CLASRP: variants seen among roughly 807,000 people sequenced by gnomAD.
CLASRP encodes the protein CLK4-associating serine/arginine rich protein.
In CLASRP, 52 loss-of-function variants were observed where a neutral mutation model predicts 99.9. The observed-to-expected ratio is 0.52, with a 90% CI of 0.42 to 0.66. The LOEUF is 0.66. Ranked by LOEUF, CLASRP falls within the 30% of genes least tolerant of loss-of-function variation. The pLI is 0.00. For missense variants in CLASRP, 848 were observed against 999.2 expected (o/e 0.85, Z 2.04); for synonymous variants, 379 against 373.0 (o/e 1.02, Z -0.18).
chr19:45,052,990 A>G (rs1420614868), intron 4 of CLASRP, 98 bp downstream of exon 4: 1 of 1,527,130 alleles, frequency 6.5e-7, no homozygotes, highest in Non-Finnish European at 9.0e-7. Context: ...AGCCGTTCCT[A>G]TTTGGTACCG....
rs752055449 is a variant in CLASRP at position 45,064,400 on chromosome 19, C to T, written c.1179C>T (p.Arg393=). The T allele has an allele frequency of 6.5e-6, 10 of 1,531,020 alleles. No homozygotes were observed. Among genetic ancestry groups the T allele is most frequent in the Non-Finnish European group, 8.8e-6 (10 of 1,142,018 alleles). The allele number at this position is 1,531,020 out of a possible 1,614,324, so 94.8% of individuals were successfully genotyped here. A position where few individuals can be genotyped will look rare whatever the true frequency, so the allele number is the denominator to read the frequency against. ...SSSASRTSSS[R]SSSRSSSRSR... ...CTGCCTCGAGGACCTCCAGCTCCCG[C>T]TCCAGCTCTCGCTCCAGCTCCCGCT... The change falls in exon 13 of 21, where the codon CGC becomes CGT. Residue 393 remains arginine (R), a synonymous_variant. Transcript: ENST00000221455.
chr19:45,060,835 C>T lies in CLASRP; in HGVS notation c.863+208C>T, dbSNP rs1456614412. ...CTTTCCTTGCCAGCCCCTCCCCTCA[C>T]CCTACTGGACTGGGGGCCCTTGCCA... is the stretch of plus-strand genomic sequence containing the variant. On this transcript the variant is annotated intron_variant, in intron 10 of 20. Coordinates refer to ENST00000221455, the MANE Select transcript of CLASRP (RefSeq NM_007056.3). The surrounding 1 kb of genome is among the most constrained non-coding windows in gnomAD (Gnocchi z 4.6). Among the ~76,000 whole-genome samples the T allele has an allele frequency of 6.6e-6, 1 of 152,226 alleles. No individual in the cohort carries two copies. Among genetic ancestry groups the T allele is most frequent in the Non-Finnish European group, 1.5e-5 (1 of 68,036 alleles).
intron 10 of CLASRP, 38 bp from the exon 11 acceptor site, chr19:45,062,116 A>G: frequency 8.0e-7 from 1 of 1,254,320 alleles, no homozygotes; most frequent in Non-Finnish European, 1.2e-6. Context: ...CTGAGATCTT[A>G]AGCCCTAATT....
At chr19:45,059,557 C>T (rs916369722) in intron 8 of CLASRP, among the ~76,000 whole-genome samples, 193 bp downstream of exon 8, 35 of 152,216 alleles carry the variant, frequency 2.3e-4, no homozygotes, top group Admixed American at 1.9e-3. Flanking sequence ...AAACAGGCTG[C>T]ACCCAAGTCA....
chr19:45,060,750 C>T lies in CLASRP; in HGVS notation c.863+123C>T, dbSNP rs776371315. ...TGAGAAAGGAGTCTTTCTAGTGGGG[C>T]GATGCATGGCCATCGTGAAGGTTTA... On this transcript the variant is annotated intron_variant, in intron 10 of 20. Transcript: ENST00000221455. This position sits in a 1 kb window ranked among gnomAD's most constrained non-coding sequence, Gnocchi z 4.6. The T allele has an allele frequency of 2.6e-4, 194 of 740,158 alleles. No individual in the cohort carries two copies. The highest frequency in any genetic ancestry group is 3.9e-4 in the Non-Finnish European group (178 of 452,890). 45.8% of individuals were successfully genotyped at this position (740,158 alleles called of 1,614,324 possible). A position where few individuals can be genotyped will look rare whatever the true frequency, so the allele number is the denominator to read the frequency against.
chr19:45,068,194 C>G (rs935911122), intron 15 of CLASRP, 140 bp downstream of exon 15: 1 of 748,010 alleles, frequency 1.3e-6, no homozygotes, highest in African/African-American at 1.7e-5. Context: ...GAAGGGTCTG[C>G]CCCTGTGAGA....
chr19:45,059,276 G>A lies in CLASRP; in HGVS notation c.622G>A (p.Val208Met), dbSNP rs371841201. The A allele has an allele frequency of 2.8e-5, 45 of 1,610,136 alleles. No homozygotes were observed. Among genetic ancestry groups the A allele is most frequent in the Non-Finnish European group, 3.8e-5 (45 of 1,178,240 alleles). Residue 208 changes from valine (V) to methionine (M), a missense_variant, in exon 8 of 21, where the codon GTG (valine) becomes ATG (methionine). This residue lies in a region of CLASRP where 119 missense variants were observed against 170.2 expected (regional missense o/e 0.70). Transcript: ENST00000221455. The stretch of plus-strand genomic sequence containing the variant: ...CCTTTCTCTTGGTGCAGACGTGGAG[G>A]TGGACGTGGATGAATTGAACCAGGA... The part of the protein sequence containing the change: ...DEVIPDIDVE[V>M]DVDELNQEQV...
chr19:45,065,665 C>A (rs1967069717), intron 13 of CLASRP, among the ~76,000 whole-genome samples: 1 of 152,184 alleles, frequency 6.6e-6, no homozygotes, highest in African/African-American at 2.4e-5. Context: ...TGGTCCACCC[C>A]CTTCCGGTCC....
chr19:45,069,328 C>A, intron 18 of CLASRP, 80 bp downstream of exon 18: 1 of 1,408,616 alleles, frequency 7.1e-7, no homozygotes, highest in Non-Finnish European at 1.0e-6. Context: ...CTGGCTCAAG[C>A]CCTGCCCAGC....
At chr19:45,052,323 A>G (rs992449002) in intron 3 of CLASRP, among the ~76,000 whole-genome samples, 155 bp downstream of exon 3, 1 of 152,132 alleles carries the variant, frequency 6.6e-6, no homozygotes, top group Admixed American at 6.6e-5. Context: ...GGTGATAGTC[A>G]CAGGGTGTAA....
At chr19:45,041,642 C>T (rs114395695) in intron 2 of CLASRP, among the ~76,000 whole-genome samples, 1 of 152,210 alleles carries the variant, frequency 6.6e-6, no homozygotes, top group African/African-American at 2.4e-5. Context: ...CTAGAAGAGT[C>T]CAAGAGGCCT....
rs576673697 is a variant in CLASRP, at chr19:45,067,278, G to A, written c.1410-59G>A. The stretch of plus-strand genomic sequence containing the variant: ...GGACTGTGGATCCGGACCCAGGGTG[G>A]GGTGCGGTTGGGGTCCCTGGAGCCT... On this transcript the variant is annotated intron_variant, in intron 13 of 20. Transcript: ENST00000221455. This position sits in a 1 kb window ranked among gnomAD's most constrained non-coding sequence, Gnocchi z 4.9. 162 of 1,443,476 alleles carry A rather than the reference G, an allele frequency of 1.1e-4. No individual in the cohort carries two copies. The African/African-American group carries it at 2.0e-3, about 18-fold the overall frequency. 89.4% of individuals were successfully genotyped at this position (1,443,476 alleles called of 1,614,324 possible). A position where few individuals can be genotyped will look rare whatever the true frequency, so the allele number is the denominator to read the frequency against.
At chr19:45,046,075 A>T (rs1971911251) in intron 2 of CLASRP, among the ~76,000 whole-genome samples, 1 of 152,146 alleles carries the variant, frequency 6.6e-6, no homozygotes, top group South Asian at 2.1e-4. Context: ...TTGTCCCTGT[A>T]TGTGAACGTG....
intron 5 of CLASRP, among the ~76,000 whole-genome samples, chr19:45,056,232 A>C (rs1972116372): frequency 6.6e-6 from 1 of 152,208 alleles, no homozygotes; most frequent in Admixed American, 6.5e-5. Context: ...ACTGAGGCAC[A>C]GATGTGTTAA....
chr19:45,064,899 C>T (rs1284526197), intron 13 of CLASRP, among the ~76,000 whole-genome samples: 3 of 152,164 alleles, frequency 2.0e-5, no homozygotes, highest in Admixed American at 6.5e-5. Flanking sequence ...CTGTGCATCT[C>T]TCTCTCCTCA....
chr19:45,070,607 C>T (rs751222118), intron 20 of CLASRP, 46 bp downstream of exon 20: 27 of 1,565,128 alleles, frequency 1.7e-5, no homozygotes, highest in Non-Finnish European at 2.3e-5. Context: ...TAACACTTGT[C>T]CTTTGATGGG....
chr19:45,047,816 G>A (rs1327809435), intron 2 of CLASRP, among the ~76,000 whole-genome samples: 1 of 152,178 alleles, frequency 6.6e-6, no homozygotes, highest in Non-Finnish European at 1.5e-5. Context: ...AGATGTGGTG[G>A]CTCACACCTG....
At chr19:45,058,043 C>A in intron 7 of CLASRP, 145 bp downstream of exon 7, 1 of 949,074 alleles carries the variant, frequency 1.1e-6, no homozygotes, top group Non-Finnish European at 1.6e-6. Context: ...CTCCTGCTGC[C>A]CCTGTCTCAC....
At chr19:45,065,694 G>C (rs1305807426) in intron 13 of CLASRP, among the ~76,000 whole-genome samples, 1 of 152,018 alleles carries the variant, frequency 6.6e-6, no homozygotes, top group Non-Finnish European at 1.5e-5. Context: ...GTTGGGGTCA[G>C]GGCTGCCCTG....
Sources: allele counts gnomAD v4.1 joint callset (sites outside exome capture counted in the v4.1 genomes callset), GRCh38; gene constraint gnomAD v4.1.1; regional missense constraint gnomAD v4.1.1; non-coding constraint Gnocchi (gnomAD v3.1); transcripts MANE v1.5; gene names NCBI Gene and HGNC (gene_info 2026-07-23, HGNC 2026-07-21).